The following A1CF variants were observed in gnomAD, a reference collection of about 807,000 sequenced individuals.
A1CF encodes the protein APOBEC-1 stimulating protein.
Under a neutral mutation model 68.9 loss-of-function variants are expected in A1CF, and 48 were observed. That is an observed-to-expected ratio of 0.70 (90% CI 0.55 to 0.89). The LOEUF is 0.89. A1CF is among the 40% of genes least tolerant of loss of function. A1CF has a pLI of 0.00. For synonymous variants in A1CF, 272 were observed against 260.4 expected, an observed-to-expected ratio of 1.04 and a Z score of -0.43; for missense variants, 653 against 718.9, an observed-to-expected ratio of 0.91 and a Z score of 1.05.
chr10:50,835,494 G>A (rs138408716), intron 6 of A1CF, among the ~76,000 whole-genome samples: 259 of 152,264 alleles, frequency 1.7e-3, no homozygotes, highest in African/African-American at 4.8e-3. Flanking sequence ...TCTGACCGAG[G>A]CAGTGTTGGG....
intron 1 of A1CF, among the ~76,000 whole-genome samples, chr10:50,880,813 G>A (rs1841734768): frequency 6.6e-6 from 1 of 152,172 alleles, no homozygotes; most frequent in African/African-American, 2.4e-5. Flanking sequence ...TGCCAGGCAG[G>A]TAGGAGATTT....
chr10:50,808,780 GA>G (rs994114116), intron 12 of A1CF, among the ~76,000 whole-genome samples: 2 of 151,770 alleles, frequency 1.3e-5, no homozygotes, highest in Non-Finnish European at 2.9e-5. Context: ...AAACTTTTGA[GA>G]AAAAAAACCC....
chr10:50,801,821 T>C lies in A1CF; in HGVS notation c.*4908A>G, dbSNP rs1837610905. The C allele has an allele frequency of 6.6e-6, 1 of 152,196 alleles. No individual in the cohort carries two copies. Among genetic ancestry groups the C allele is most frequent in the South Asian group, 2.1e-4 (1 of 4,822 alleles). 9.4% of individuals were successfully genotyped at this position (152,196 alleles called of 1,614,324 possible). On this transcript the variant is annotated 3_prime_UTR_variant, in exon 13 of 13. Transcript: ENST00000373997. ...GAGGTATTTTGGTTTTCAGGTTATT[T>C]TCCCTTTCTAAATTGGCTATGAATT...
chr10:50,809,640 AGACT>A (rs1249404189), intron 12 of A1CF, among the ~76,000 whole-genome samples: 6 of 152,208 alleles, frequency 3.9e-5, no homozygotes, highest in African/African-American at 1.2e-4. Flanking sequence ...AGACTCAGAG[AGACT>A]GACTCATTCA....
At chr10:50,850,762 C>T in intron 3 of A1CF, 1 of 1,614,174 alleles carries the variant, frequency 6.2e-7, no homozygotes. Context: ...TGGCTCTGGG[C>T]ATGTGCCCAG....
At chr10:50,859,559 C>T (rs553751300) in intron 3 of A1CF, among the ~76,000 whole-genome samples, 12 of 152,258 alleles carry the variant, frequency 7.9e-5, no homozygotes, top group South Asian at 2.1e-4. Context: ...ACTTCATAGC[C>T]TTGGGTGGCA....
chr10:50,851,929 T>G (rs911172186), intron 3 of A1CF, among the ~76,000 whole-genome samples: 5 of 152,344 alleles, frequency 3.3e-5, no homozygotes, highest in African/African-American at 1.2e-4. Context: ...TTGCCTAGCT[T>G]GTTTGAAAGC....
chr10:50,870,214 C>T (rs548136335), intron 1 of A1CF, among the ~76,000 whole-genome samples: 10 of 151,438 alleles, frequency 6.6e-5, no homozygotes, highest in African/African-American at 9.7e-5. Flanking sequence ...TTTTTGTAAA[C>T]GATAGTCTGT....
intron 10 of A1CF, among the ~76,000 whole-genome samples, chr10:50,811,422 A>G (rs766006100): frequency 6.6e-6 from 1 of 152,202 alleles, no homozygotes; most frequent in Non-Finnish European, 1.5e-5. Context: ...AGTTTAGTCT[A>G]TTAGCTGTAA....
At chr10:50,863,279 A>G (rs1236695598) in intron 2 of A1CF, among the ~76,000 whole-genome samples, 1 of 152,240 alleles carries the variant, frequency 6.6e-6, no homozygotes, top group African/African-American at 2.4e-5. Context: ...CGAATCCCAG[A>G]TAAATATTTC....
chr10:50,876,783 C>T (rs1841534031), intron 1 of A1CF, among the ~76,000 whole-genome samples: 1 of 152,166 alleles, frequency 6.6e-6, no homozygotes, highest in African/African-American at 2.4e-5. Context: ...ATGAGCCAAT[C>T]CCATAGAATA....
chr10:50,865,574 C>T (rs1181807196), intron 1 of A1CF, among the ~76,000 whole-genome samples: 3 of 152,128 alleles, frequency 2.0e-5, no homozygotes, highest in South Asian at 4.2e-4. Context: ...GACACATTGT[C>T]CCTTCAGGAC....
chr10:50,801,755 A>T lies in A1CF; in HGVS notation c.*4974T>A, dbSNP rs755530938. ...AAGTCTGTAAGGGGGAGGTAGGTAC[A>T]GAAGAATTCCATATTTTATTCCAGG... is the stretch of plus-strand genomic sequence containing the variant. On this transcript the variant is annotated 3_prime_UTR_variant, in exon 13 of 13. Coordinates refer to ENST00000373997, the MANE Select transcript of A1CF (RefSeq NM_014576.4). 6.6e-6 allele frequency: 1 copy of T among 152,258 alleles called. No homozygotes were observed. 9.4% of individuals were successfully genotyped at this position (152,258 alleles called of 1,614,324 possible). A position where few individuals can be genotyped will look rare whatever the true frequency, so the allele number is the denominator to read the frequency against.
intron 1 of A1CF, among the ~76,000 whole-genome samples, chr10:50,865,584 C>A (rs1476383689): frequency 6.6e-6 from 1 of 152,178 alleles, no homozygotes; most frequent in East Asian, 1.9e-4. Context: ...CCCTTCAGGA[C>A]TAGACCCTAG....
At chr10:50,875,763 C>A (rs1172798007) in intron 1 of A1CF, among the ~76,000 whole-genome samples, 2 of 152,176 alleles carry the variant, frequency 1.3e-5, no homozygotes, top group East Asian at 3.8e-4. Context: ...AAAGAAATGT[C>A]ACTGCTTACT....
chr10:50,822,020 A>G (rs573230737), intron 7 of A1CF, among the ~76,000 whole-genome samples: 84 of 152,272 alleles, frequency 5.5e-4, no homozygotes, highest in African/African-American at 2.0e-3. Context: ...TGGGGAGAAA[A>G]GTTGGGAAGA....
intron 6 of A1CF, among the ~76,000 whole-genome samples, chr10:50,835,141 A>AT (rs1189624814): frequency 2.6e-5 from 4 of 151,772 alleles, no homozygotes; most frequent in Admixed American, 6.6e-5. Flanking sequence ...GGACTGTCTC[A>AT]TTTTTTTTCC....
intron 1 of A1CF, among the ~76,000 whole-genome samples, chr10:50,865,188 G>A (rs1352253830): frequency 6.6e-6 from 1 of 152,090 alleles, no homozygotes; most frequent in African/African-American, 2.4e-5. Flanking sequence ...GAGCCTGGGA[G>A]GTTGAGCTTA....
chr10:50,825,478 C>T (rs952491518), intron 7 of A1CF, among the ~76,000 whole-genome samples: 1 of 152,134 alleles, frequency 6.6e-6, no homozygotes, highest in African/African-American at 2.4e-5. Flanking sequence ...TGATAAGTTC[C>T]ATAATGAAGA....
Sources: gnomAD v4.1 joint callset for allele counts (sites outside exome capture counted in the v4.1 genomes callset) on GRCh38, gnomAD v4.1.1 for gene constraint, MANE v1.5 for transcripts, NCBI Gene and HGNC (gene_info 2026-07-23, HGNC 2026-07-21) for gene names.